The following ADAM12 variants were observed in gnomAD, a reference collection of about 807,000 sequenced individuals.
The protein encoded by ADAM12 is disintegrin and metalloproteinase domain-containing protein 12.
A neutral mutation model predicts 106.4 loss-of-function variants in ADAM12; 70 were observed. That is an observed-to-expected ratio of 0.66 (90% CI 0.54 to 0.80). The LOEUF (loss-of-function observed/expected upper bound fraction) is 0.80, where lower values mean the gene tolerates loss of function less well. Ranked by LOEUF, ADAM12 falls within the 30% of genes least tolerant of loss-of-function variation. ADAM12 has a pLI of 0.00. For missense variants in ADAM12, 1,010 were observed against 1,171.9 expected (o/e 0.86, Z 2.02); for synonymous variants, 420 against 433.5 (o/e 0.97, Z 0.39).
At chr10:126,137,730 T>A (rs910370817) in intron 4 of ADAM12, among the ~76,000 whole-genome samples, 3 of 152,260 alleles carry the variant, frequency 2.0e-5, no homozygotes, top group Non-Finnish European at 4.4e-5. Flanking sequence ...ATTCCTTTTC[T>A]ACAGCTGAAT....
intron 3 of ADAM12, among the ~76,000 whole-genome samples, chr10:126,251,463 T>C (rs930405615): frequency 8.4e-5 from 2 of 23,702 alleles, no homozygotes. Context: ...GATGGATGGA[T>C]GGGATGGATG....
chr10:126,248,339 G>A (rs577792476), intron 3 of ADAM12, among the ~76,000 whole-genome samples: 1 of 152,302 alleles, frequency 6.6e-6, no homozygotes, highest in South Asian at 2.1e-4. Context: ...TTAGCACAGA[G>A]CCTGGCATAT....
intron 3 of ADAM12, among the ~76,000 whole-genome samples, chr10:126,227,692 C>T (rs1958225040): frequency 6.6e-6 from 1 of 152,210 alleles, no homozygotes; most frequent in Non-Finnish European, 1.5e-5. Context: ...CGTGTCTCAG[C>T]AGAAAGTGAC....
intron 3 of ADAM12, among the ~76,000 whole-genome samples, chr10:126,257,016 C>T (rs574114637): frequency 3.0e-4 from 45 of 152,270 alleles, no homozygotes; most frequent in Non-Finnish European, 5.1e-4. Flanking sequence ...AGCAGTAGCC[C>T]ACCCACTGGC....
intron 4 of ADAM12, among the ~76,000 whole-genome samples, chr10:126,145,297 G>A (rs904434570): frequency 6.6e-6 from 1 of 152,070 alleles, no homozygotes; most frequent in Non-Finnish European, 1.5e-5. Flanking sequence ...CAGGACTTTG[G>A]TTCAGCTGCT....
At chr10:126,293,106 G>A (rs1175362804) in intron 2 of ADAM12, among the ~76,000 whole-genome samples, 2 of 152,192 alleles carry the variant, frequency 1.3e-5, no homozygotes, top group South Asian at 2.1e-4. Flanking sequence ...CCTTCAGCCT[G>A]TAGCTCTATC....
chr10:126,167,696 C>A (rs1957048710), intron 3 of ADAM12, among the ~76,000 whole-genome samples: 1 of 152,182 alleles, frequency 6.6e-6, no homozygotes, highest in South Asian at 2.1e-4. Flanking sequence ...AGTCTATAGA[C>A]TAGAAGCAAA....
At chr10:126,144,513 A>G (rs1354431865) in intron 4 of ADAM12, among the ~76,000 whole-genome samples, 1 of 152,174 alleles carries the variant, frequency 6.6e-6, no homozygotes, top group East Asian at 1.9e-4. Flanking sequence ...TGCATGAGAG[A>G]AATTGACCCA....
At position 126,229,387 on chromosome 10, in the gene ADAM12, T is replaced by C. The variant is rs528857676; in HGVS notation, c.260+49528A>G. On this transcript the variant is annotated intron_variant, in intron 3 of 22. Coordinates refer to ENST00000448723, the MANE Select transcript of ADAM12 (RefSeq NM_001288973.2). The stretch of plus-strand genomic sequence containing the variant: ...GGGCATGGCAGTTCTGAGGATAAAT[T>C]ATGTTTGATGCATTTGAAGACTTTC... Among the ~76,000 whole-genome samples the C allele has an allele frequency of 3.9e-5, 6 of 152,332 alleles. No individual in the cohort carries two copies. In the East Asian group the frequency reaches 9.6e-4, roughly 24 times the overall value.
At chr10:126,290,855 A>C (rs142241030) in intron 2 of ADAM12, among the ~76,000 whole-genome samples, 37 of 152,332 alleles carry the variant, frequency 2.4e-4, no homozygotes, top group African/African-American at 8.4e-4. Context: ...TGTACGACCA[A>C]TCATAGAAGG....
chr10:126,240,039 C>T (rs752114725), intron 3 of ADAM12, among the ~76,000 whole-genome samples: 6 of 152,208 alleles, frequency 3.9e-5, no homozygotes, highest in Admixed American at 6.5e-5. Context: ...TGCCCGGAGT[C>T]GACTCAGCTC....
At chr10:126,137,619 T>C (rs539106095) in intron 4 of ADAM12, among the ~76,000 whole-genome samples, 4 of 152,236 alleles carry the variant, frequency 2.6e-5, no homozygotes, top group Non-Finnish European at 5.9e-5. Context: ...TGTTATTTTA[T>C]AGAAATGGAA....
intron 18 of ADAM12, chr10:126,041,908 A>C: frequency 7.1e-7 from 1 of 1,408,196 alleles, no homozygotes; most frequent in Non-Finnish European, 9.2e-7. Context: ...TCCATGTTTT[A>C]GCAGAAGCTC....
chr10:126,388,031 G>C lies in ADAM12; in HGVS notation c.88+27C>G. 1 of 1,202,326 alleles carries C rather than the reference G, an allele frequency of 8.3e-7. No individual in the cohort carries two copies. Among genetic ancestry groups the C allele is most frequent in the African/African-American group, 1.6e-5 (1 of 63,284 alleles). The allele number at this position is 1,202,326 out of a possible 1,614,324, so 74.5% of individuals were successfully genotyped here. On this transcript the variant is annotated intron_variant, in intron 1 of 22. Coordinates refer to ENST00000448723, the MANE Select transcript of ADAM12 (RefSeq NM_001288973.2). This position sits in a 1 kb window ranked among gnomAD's most constrained non-coding sequence, Gnocchi z 4.4. The stretch of plus-strand genomic sequence containing the variant: ...TGCGGTGCCCTCGGCGGGGCGGGCA[G>C]CGAGCCGCCCTAGTTCGGCGACTTA...
At chr10:126,194,085 G>T (rs1183061122) in intron 3 of ADAM12, among the ~76,000 whole-genome samples, 1 of 151,930 alleles carries the variant, frequency 6.6e-6, no homozygotes, top group Non-Finnish European at 1.5e-5. Context: ...AATGAAGAGA[G>T]CACCATTCAA....
At chr10:126,365,483 C>T (rs1382006999) in intron 1 of ADAM12, among the ~76,000 whole-genome samples, 1 of 151,964 alleles carries the variant, frequency 6.6e-6, no homozygotes, top group African/African-American at 2.4e-5. Flanking sequence ...AAGAAATGCC[C>T]GAGACTGGGT....
At chr10:126,017,736 T>A (rs1953685820) in intron 22 of ADAM12, among the ~76,000 whole-genome samples, 1 of 151,470 alleles carries the variant, frequency 6.6e-6, no homozygotes, top group South Asian at 2.1e-4. Flanking sequence ...CAAAATACAG[T>A]AAGACTTTTA....
chr10:126,277,626 C>T (rs532768444), intron 3 of ADAM12, among the ~76,000 whole-genome samples: 15 of 152,188 alleles, frequency 9.9e-5, no homozygotes, highest in Admixed American at 5.2e-4. Flanking sequence ...CTAAGGGAGA[C>T]GGATCAAAAG....
chr10:126,355,196 A>G (rs1322974938), intron 1 of ADAM12, among the ~76,000 whole-genome samples: 7 of 152,234 alleles, frequency 4.6e-5, no homozygotes, highest in African/African-American at 1.4e-4. Context: ...CACAACAATA[A>G]AAAGACAAAG....
Sources: allele counts gnomAD v4.1 joint callset (sites outside exome capture counted in the v4.1 genomes callset), GRCh38; gene constraint gnomAD v4.1.1; non-coding constraint Gnocchi (gnomAD v3.1); transcripts MANE v1.5; gene names NCBI Gene and HGNC (gene_info 2026-07-23, HGNC 2026-07-21).